BRD10: variants seen among roughly 807,000 people sequenced by gnomAD.
BRD10 encodes the protein uncharacterized bromodomain-containing protein 10.
chr9:5,913,931 C>T, the BRD10 span: 20 of 421,780 alleles, frequency 4.7e-5, no homozygotes, highest in African/African-American at 1.0e-4. Flanking sequence ...AGAAGCATGA[C>T]GCCTACAGGA....
the BRD10 span, among the ~76,000 whole-genome samples, chr9:5,940,998 T>C: frequency 2.6e-5 from 4 of 152,146 alleles, no homozygotes; most frequent in African/African-American, 9.7e-5. Context: ...AATTTTCACT[T>C]TTCCTCATAC....
chr9:5,954,959 G>C, the BRD10 span, among the ~76,000 whole-genome samples: 1 of 151,864 alleles, frequency 6.6e-6, no homozygotes, highest in East Asian at 1.9e-4. Context: ...GTGGTGGTGC[G>C]TGCCTGTAAT....
At chr9:5,930,712 A>G in the BRD10 span, among the ~76,000 whole-genome samples, 1 of 152,212 alleles carries the variant, frequency 6.6e-6, no homozygotes, top group African/African-American at 2.4e-5. Context: ...TATTTCATAT[A>G]TTAATCTAGA....
chr9:5,890,318 A>G, the BRD10 span, among the ~76,000 whole-genome samples: 1 of 152,252 alleles, frequency 6.6e-6, no homozygotes, highest in African/African-American at 2.4e-5. Flanking sequence ...TATATGTCCC[A>G]TAGAATATGT....
At chr9:5,922,295 T>A in the BRD10 span, 1 of 1,613,970 alleles carries the variant, frequency 6.2e-7, no homozygotes, top group South Asian at 1.1e-5. Flanking sequence ...TGACAGAGGC[T>A]GACCTGTGGA....
chr9:5,968,438 A>C, the BRD10 span: 1 of 1,612,942 alleles, frequency 6.2e-7, no homozygotes, highest in South Asian at 1.1e-5. Flanking sequence ...AAAGCCAGTA[A>C]CTTCCCCTGG....
chr9:5,941,603 A>G, the BRD10 span, among the ~76,000 whole-genome samples: 9 of 152,262 alleles, frequency 5.9e-5, no homozygotes, highest in Admixed American at 4.6e-4. Context: ...AATTAAAAGC[A>G]TTTTTCTCTT....
chr9:5,917,921 T>C, the BRD10 span, among the ~76,000 whole-genome samples: 1 of 152,206 alleles, frequency 6.6e-6, no homozygotes, highest in Non-Finnish European at 1.5e-5. Flanking sequence ...CATAGGTAAT[T>C]CAGTAAATTA....
the BRD10 span, among the ~76,000 whole-genome samples, chr9:6,005,102 A>G: frequency 1.3e-5 from 2 of 152,226 alleles, no homozygotes; most frequent in African/African-American, 2.4e-5. Flanking sequence ...GGATACTATT[A>G]GATCACATGG....
At chr9:5,928,962 C>A in the BRD10 span, 2 of 693,328 alleles carry the variant, frequency 2.9e-6, no homozygotes, top group Admixed American at 2.7e-5. Context: ...TGGAAAACTA[C>A]TAAATGATTC....
At chr9:5,995,987 GAGATTTGGGCT>G in the BRD10 span, among the ~76,000 whole-genome samples, 1 of 152,108 alleles carries the variant, frequency 6.6e-6, no homozygotes, top group Non-Finnish European at 1.5e-5. Flanking sequence ...AACTGGGAAG[GAGATTTGGGCT>G]AGAAATATAC....
At chr9:5,922,395 C>G in the BRD10 span, 1 of 1,613,964 alleles carries the variant, frequency 6.2e-7, no homozygotes, top group Non-Finnish European at 8.5e-7. Flanking sequence ...CTAGTCTTAA[C>G]TGATGGTGTT....
the BRD10 span, among the ~76,000 whole-genome samples, chr9:5,959,754 C>T: frequency 6.6e-6 from 1 of 152,152 alleles, no homozygotes; most frequent in Non-Finnish European, 1.5e-5. Flanking sequence ...CCTTCTCAGT[C>T]ATTTCCTATA....
At chr9:5,891,687 G>A in the BRD10 span, among the ~76,000 whole-genome samples, 1 of 152,062 alleles carries the variant, frequency 6.6e-6, no homozygotes, top group Admixed American at 6.5e-5. Flanking sequence ...GATATTTTTT[G>A]TTGTTCATTT....
chr9:5,924,528 C>T, the BRD10 span: 1 of 512,210 alleles, frequency 2.0e-6, no homozygotes, highest in Non-Finnish European at 3.3e-6. Flanking sequence ...GTGGACACTA[C>T]TTCTTCAAAA....
At chr9:5,889,727 G>T in the BRD10 span, among the ~76,000 whole-genome samples, 4 of 152,106 alleles carry the variant, frequency 2.6e-5, no homozygotes, top group African/African-American at 9.7e-5. Context: ...AGAGGTTGTA[G>T]TGAGCTGAGA....
the BRD10 span, among the ~76,000 whole-genome samples, chr9:5,989,951 C>G: frequency 4.6e-5 from 7 of 152,230 alleles, no homozygotes; most frequent in African/African-American, 1.7e-4. Flanking sequence ...TCAGTGCCAT[C>G]TAGGTCCCAT....
the BRD10 span, among the ~76,000 whole-genome samples, chr9:5,890,208 C>T: frequency 6.6e-6 from 1 of 152,086 alleles, no homozygotes; most frequent in African/African-American, 2.4e-5. Flanking sequence ...GTGAGATATG[C>T]CTCCCTCAAA....
chr9:5,922,769 A>G, the BRD10 span: 1 of 1,614,018 alleles, frequency 6.2e-7, no homozygotes, highest in East Asian at 2.2e-5. Context: ...TTGAAGATCT[A>G]TTGGCAACCA....
Sources: allele counts gnomAD v4.1 joint callset (sites outside exome capture counted in the v4.1 genomes callset), GRCh38; gene constraint gnomAD v4.1.1; transcripts MANE v1.5; gene names NCBI Gene and HGNC (gene_info 2026-07-23, HGNC 2026-07-21).